PLXNA4: variants seen among roughly 807,000 people sequenced by gnomAD.
PLXNA4 encodes plexin-A4.
PLXNA4 carries 44 observed loss-of-function variants against 191.8 expected under a neutral mutation model. The observed-to-expected ratio is 0.23, with a 90% CI of 0.18 to 0.29. The LOEUF is 0.29. PLXNA4 is among the 10% of genes least tolerant of loss of function. PLXNA4 has a pLI of 1.00. For missense variants in PLXNA4, 1,800 were observed against 2,488.8 expected (o/e 0.72, Z 5.89); for synonymous variants, 1,082 against 1,009.5 (o/e 1.07, Z -1.36).
At chr7:132,397,412 C>T (rs1339161970) in intron 3 of PLXNA4, among the ~76,000 whole-genome samples, 1 of 152,132 alleles carries the variant, frequency 6.6e-6, no homozygotes, top group Non-Finnish European at 1.5e-5. Context: ...AGGAGAGAAA[C>T]AGACACAAGG....
At chr7:132,561,688 T>TCCTCCTCCTCCTCCTCCTCCTC (rs1801098460) in intron 1 of PLXNA4, among the ~76,000 whole-genome samples, 2 of 49,618 alleles carry the variant, frequency 4.0e-5, no homozygotes, top group Non-Finnish European at 7.9e-5. Context: ...TCCTCCTCCT[T>TCCTCCTCCTCCTCCTCCTCCTC]CACCTCCTCC....
At chr7:132,353,986 C>T (rs1438787943) in intron 3 of PLXNA4, among the ~76,000 whole-genome samples, 1 of 152,114 alleles carries the variant, frequency 6.6e-6, no homozygotes, top group African/African-American at 2.4e-5. Context: ...GTTTTCTTCT[C>T]CCGTCCAACC....
chr7:132,467,394 C>G (rs771175572), intron 3 of PLXNA4, among the ~76,000 whole-genome samples: 1 of 152,176 alleles, frequency 6.6e-6, no homozygotes, highest in Non-Finnish European at 1.5e-5. Flanking sequence ...TTGCTGTCCC[C>G]CTGCAGGGGA....
chr7:132,523,009 G>A (rs1168550429), intron 1 of PLXNA4, among the ~76,000 whole-genome samples: 2 of 151,926 alleles, frequency 1.3e-5, no homozygotes, highest in African/African-American at 2.4e-5. Context: ...GGGGGCCAAG[G>A]GCTTGTCAGA....
chr7:132,582,482 T>A (rs1802421253), intron 2 of PLXNA4, among the ~76,000 whole-genome samples: 1 of 152,134 alleles, frequency 6.6e-6, no homozygotes, highest in Non-Finnish European at 1.5e-5. Flanking sequence ...TAAGTGACCA[T>A]GAAGTGACAG....
upstream of PLXNA4, chr7:132,576,649 T>C (rs6960794): frequency 0.57 from 556,285 of 969,062 alleles, 160,341 homozygotes; most frequent in South Asian, 0.68. The surrounding 1 kb of genome is among the most constrained non-coding windows in gnomAD (Gnocchi z 5.8). Context: ...CTTGACAGCT[T>C]CTCTTGCGGC....
In PLXNA4 at chr7:132,127,070, T is replaced by G. The variant is rs548754821; in HGVS notation, c.*3409A>C. The stretch of plus-strand genomic sequence containing the variant: ...CCAGCCTACCACTCTGTTTCTTGTC[T>G]TCCTCTACTTATTCCTTAAAATTTA... On this transcript the variant is annotated 3_prime_UTR_variant, in exon 32 of 32. Transcript: ENST00000321063. 6.6e-6 allele frequency: 1 copy of G among 152,292 alleles called. No homozygotes were observed. Among genetic ancestry groups the G allele is most frequent in the South Asian group, 2.1e-4 (1 of 4,814 alleles). 9.4% of individuals were successfully genotyped at this position (152,292 alleles called of 1,614,324 possible).
intron 2 of PLXNA4, among the ~76,000 whole-genome samples, chr7:132,595,914 T>C (rs1037742529): frequency 6.6e-6 from 1 of 152,242 alleles, no homozygotes; most frequent in African/African-American, 2.4e-5. Flanking sequence ...AACATTATCC[T>C]ACATACCTTC....
At position 132,182,024 on chromosome 7, in the gene PLXNA4, A is replaced by G. The variant is rs1299562539; in HGVS notation, c.3252+73T>C. The G allele has an allele frequency of 4.4e-6, 7 of 1,607,990 alleles. No homozygotes were observed. The African/African-American group carries it at 9.4e-5, about 21-fold the overall frequency. ...GCAGGGAGTTACCTCAGTACTTGGGAAGACCCACACCCTTTGGGGAAGCAA... is the reference window on the plus strand; with the variant it reads ...GCAGGGAGTTACCTCAGTACTTGGGGAGACCCACACCCTTTGGGGAAGCAA... On this transcript the variant is annotated intron_variant, in intron 17 of 31. Coordinates refer to ENST00000321063, the MANE Select transcript of PLXNA4 (RefSeq NM_020911.2).
intron 4 of PLXNA4, among the ~76,000 whole-genome samples, chr7:132,288,628 G>A (rs905624900): frequency 3.3e-5 from 5 of 152,176 alleles, no homozygotes; most frequent in Non-Finnish European, 7.3e-5. Flanking sequence ...AAACATCCAC[G>A]TGGGCTTGTC....
chr7:132,556,211 A>G (rs183927471), intron 1 of PLXNA4, among the ~76,000 whole-genome samples: 1 of 152,360 alleles, frequency 6.6e-6, no homozygotes, highest in East Asian at 1.9e-4. Context: ...AGAAAGTGAT[A>G]ATATTTTTAC....
At chr7:132,226,696 T>C (rs185968885) in intron 7 of PLXNA4, among the ~76,000 whole-genome samples, 2 of 152,334 alleles carry the variant, frequency 1.3e-5, no homozygotes. Flanking sequence ...AGAGAGCCCC[T>C]GTTCTGACAC....
intron 2 of PLXNA4, among the ~76,000 whole-genome samples, chr7:132,605,509 TG>T (rs111535599): frequency 1.3e-5 from 2 of 151,990 alleles, no homozygotes; most frequent in African/African-American, 2.4e-5. Context: ...TGATGGTGCT[TG>T]GGGGGCCTGT....
chr7:132,358,537 C>G (rs2116840037), intron 3 of PLXNA4, among the ~76,000 whole-genome samples: 1 of 152,236 alleles, frequency 6.6e-6, no homozygotes, highest in African/African-American at 2.4e-5. Context: ...AAGTAATTAG[C>G]CATATAGAAT....
intron 3 of PLXNA4, among the ~76,000 whole-genome samples, chr7:132,412,039 C>T (rs1349408327): frequency 6.6e-6 from 1 of 152,106 alleles, no homozygotes; most frequent in Non-Finnish European, 1.5e-5. Context: ...TTGTTCTCCA[C>T]TTCACAACCC....
intron 3 of PLXNA4, among the ~76,000 whole-genome samples, chr7:132,410,671 A>G (rs939658763): frequency 6.6e-6 from 1 of 152,206 alleles, no homozygotes; most frequent in Non-Finnish European, 1.5e-5. Context: ...GCCTGTCTCC[A>G]AGCACTCTGG....
At chr7:132,497,999 T>C (rs182578331) in intron 2 of PLXNA4, among the ~76,000 whole-genome samples, 25 of 152,222 alleles carry the variant, frequency 1.6e-4, no homozygotes, top group Admixed American at 1.4e-3. Context: ...GAAAAGTGTA[T>C]TGGGGTTGGA....
At chr7:132,362,855 C>T (rs1804002816) in intron 3 of PLXNA4, among the ~76,000 whole-genome samples, 1 of 152,080 alleles carries the variant, frequency 6.6e-6, no homozygotes, top group African/African-American at 2.4e-5. Flanking sequence ...TGCATGCTAC[C>T]TCTTTTATTG....
chr7:132,185,225 T>C (rs1371218542), intron 16 of PLXNA4, 74 bp downstream of exon 16: 4 of 1,531,806 alleles, frequency 2.6e-6, no homozygotes, highest in Non-Finnish European at 3.5e-6. Context: ...CCCAGAACTC[T>C]CCTTGGCTTT....
Sources: gnomAD v4.1 joint callset for allele counts (sites outside exome capture counted in the v4.1 genomes callset) on GRCh38, gnomAD v4.1.1 for gene constraint, Gnocchi (gnomAD v3.1) non-coding constraint, MANE v1.5 for transcripts, NCBI Gene and HGNC (gene_info 2026-07-23, HGNC 2026-07-21) for gene names.